Variants in ADGRF5 observed in about 807,000 individuals in gnomAD.
ADGRF5 encodes the protein adhesion G protein-coupled receptor F5, also known as G-protein coupled receptor 116.
ADGRF5 carries 75 observed loss-of-function variants against 132.3 expected under a neutral mutation model. That is an observed-to-expected ratio of 0.57 (90% confidence interval 0.47 to 0.69). The LOEUF is 0.69. ADGRF5 is among the 30% of genes least tolerant of loss of function. The pLI is 0.00. For missense variants in ADGRF5, 1,516 were observed against 1,630.6 expected, an observed-to-expected ratio of 0.93 and a Z score of 1.21; for synonymous variants, 629 against 597.6, an observed-to-expected ratio of 1.05 and a Z score of -0.77.
At position 46,878,192 on chromosome 6, in the gene ADGRF5, A is replaced by C. The variant is rs1461771700; in HGVS notation, c.1240+10T>G. 1 of 1,590,350 alleles carries C rather than the reference A, an allele frequency of 6.3e-7. No homozygotes were observed. Among genetic ancestry groups the C allele is most frequent in the Admixed American group, 1.7e-5 (1 of 59,964 alleles). ...ACCTATTTGCAAAAGGGCTTATCTAACATTCTCACCTGGAATATTTATTTT... is the reference window on the plus strand; with the variant it reads ...ACCTATTTGCAAAAGGGCTTATCTACCATTCTCACCTGGAATATTTATTTT... On this transcript the variant is annotated intron_variant, in intron 10 of 20. Coordinates refer to ENST00000283296, the MANE Select transcript of ADGRF5 (RefSeq NM_001098518.2).
intron 1 of ADGRF5, among the ~76,000 whole-genome samples, chr6:46,938,881 T>A (rs1777949322): frequency 7.5e-6 from 1 of 133,536 alleles, no homozygotes; most frequent in African/African-American, 2.6e-5. Context: ...TTCTGATTTT[T>A]TTTTTTTTTT....
chr6:46,898,031 A>G (rs1487454440), intron 3 of ADGRF5, among the ~76,000 whole-genome samples: 1 of 152,230 alleles, frequency 6.6e-6, no homozygotes, highest in Non-Finnish European at 1.5e-5. Context: ...TCCATGTATA[A>G]TAAATGGAAA....
chr6:46,943,724 T>G (rs1284470883), intron 1 of ADGRF5, among the ~76,000 whole-genome samples: 3 of 152,176 alleles, frequency 2.0e-5, no homozygotes, highest in Admixed American at 6.5e-5. Context: ...TCTAGCAAAT[T>G]GAAAAATTTG....
At position 46,853,987 on chromosome 6, in the gene ADGRF5, TGTTCTTA is replaced by T; in HGVS notation, c.4039_*4del. 6.3e-7 allele frequency: 1 copy of T among 1,594,562 alleles called. No individual in the cohort carries two copies. Among genetic ancestry groups the T allele is most frequent in the Non-Finnish European group, 8.6e-7 (1 of 1,168,864 alleles). Reference sequence around the variant, plus strand: ...GGAGGTCACGTAGGTTGGATTATCCTGTTCTTAGTTGAGCAACGAAGAAGCACTGGAT... The same window carrying T: ...GGAGGTCACGTAGGTTGGATTATCCTGTTGAGCAACGAAGAAGCACTGGAT... On this transcript the variant is annotated stop_lost and 3_prime_UTR_variant, in exon 21 of 21. Coordinates refer to ENST00000283296, the MANE Select transcript of ADGRF5 (RefSeq NM_001098518.2).
chr6:46,948,843 A>G (rs1226744362), intron 1 of ADGRF5, among the ~76,000 whole-genome samples: 1 of 152,152 alleles, frequency 6.6e-6, no homozygotes, highest in African/African-American at 2.4e-5. Context: ...CGAGGTGATG[A>G]CAGGTTCCAG....
chr6:46,921,209 G>C (rs1334883088), intron 1 of ADGRF5, among the ~76,000 whole-genome samples: 1 of 152,136 alleles, frequency 6.6e-6, no homozygotes, highest in Admixed American at 6.5e-5. Context: ...ACATTTCTAA[G>C]GTCATCCCTT....
At chr6:46,932,805 G>A (rs932141342) in intron 1 of ADGRF5, among the ~76,000 whole-genome samples, 2 of 152,072 alleles carry the variant, frequency 1.3e-5, no homozygotes, top group Non-Finnish European at 2.9e-5. Context: ...CCTAATAATC[G>A]TGTCCCTATA....
chr6:46,878,232 A>G lies in ADGRF5; in HGVS notation c.1210T>C (p.Trp404Arg). Residue 404 changes from tryptophan to arginine, a missense_variant, in exon 10 of 21, where the codon TGG becomes CGG. Physicochemically the swap from Trp to Arg is moderately radical, Grantham distance 101. Around this residue, in one of 2 missense-constraint regions of ADGRF5, gnomAD observed 945 missense variants for 929.4 expected, o/e 1.02. Transcript: ENST00000283296. Reference sequence around the variant, plus strand: ...ATATTTATTTTTCCTTCCTGCTTCCATTCTACTTTGCTCCAATTAACATTA... The same window carrying G: ...ATATTTATTTTTCCTTCCTGCTTCCGTTCTACTTTGCTCCAATTAACATTA... ...QGNVNWSKVEWKQEGKINIPG... is the reference protein window; with the variant it reads ...QGNVNWSKVERKQEGKINIPG... 1 of 1,613,060 alleles carries G rather than the reference A, an allele frequency of 6.2e-7. No individual in the cohort carries two copies. Among genetic ancestry groups the G allele is most frequent in the Non-Finnish European group, 8.5e-7 (1 of 1,179,104 alleles).
At chr6:46,860,049 C>A (rs554528278) in intron 16 of ADGRF5, among the ~76,000 whole-genome samples, 1 of 152,038 alleles carries the variant, frequency 6.6e-6, no homozygotes. Flanking sequence ...CTGCTCTCCC[C>A]GCTGCAGTCC....
intron 3 of ADGRF5, 25 bp downstream of exon 3, chr6:46,900,004 G>T (rs1562213234): frequency 1.3e-6 from 2 of 1,547,092 alleles, no homozygotes; most frequent in Non-Finnish European, 1.8e-6. Context: ...TTATAAAAGG[G>T]ATTGCCAAGC....
At chr6:46,912,888 A>T (rs1776082349) in intron 1 of ADGRF5, among the ~76,000 whole-genome samples, 2 of 152,166 alleles carry the variant, frequency 1.3e-5, no homozygotes, top group African/African-American at 4.8e-5. Context: ...CAACCTTGGC[A>T]TTATCAGTAC....
Position 46,865,016 on chromosome 6 carries a change from C to T in ADGRF5, c.1990+26G>A, listed in dbSNP as rs1770252350. 7.2e-6 allele frequency: 11 copies of T among 1,525,382 alleles called. No individual in the cohort carries two copies. The East Asian group carries it at 2.5e-4, about 34-fold the overall frequency. 94.5% of individuals were successfully genotyped at this position (1,525,382 alleles called of 1,614,324 possible). ...TAAGTCCCTGCCCTGACTATAACAT[C>T]TTAAAGTAATTTAAAACGTTCTTAC... is the stretch of plus-strand genomic sequence containing the variant. On this transcript the variant is annotated intron_variant, in intron 14 of 20. Transcript: ENST00000283296.
chr6:46,941,580 A>ACAAGCTGT (rs1179054269), intron 1 of ADGRF5, among the ~76,000 whole-genome samples: 1 of 152,128 alleles, frequency 6.6e-6, no homozygotes, highest in Non-Finnish European at 1.5e-5. Flanking sequence ...CAGTGTTTTA[A>ACAAGCTGT]CAAGCTGTCA....
Position 46,858,983 on chromosome 6 carries a change from A to C in ADGRF5, c.2920T>G (p.Tyr974Asp). ...NTGGWDSSGC[Y>D]VEEGDGDNVT... is the part of the protein sequence containing the mutation. ...TTGTCCCCATCACCTTCTTCTACAT[A>C]GCACCCACTGCTGTCCCACCCCCCT... The change falls in exon 17 of 21, where the codon TAT becomes GAT. Residue 974 changes from tyrosine to aspartate, a missense_variant. Physicochemically the swap from Tyr to Asp is radical, Grantham distance 160. Transcript: ENST00000283296. 6.2e-7 allele frequency: 1 copy of C among 1,614,120 alleles called. No individual in the cohort carries two copies. Among genetic ancestry groups the C allele is most frequent in the Non-Finnish European group, 8.5e-7 (1 of 1,180,018 alleles).
chr6:46,927,297 G>A (rs551698688), intron 1 of ADGRF5, among the ~76,000 whole-genome samples: 44 of 151,552 alleles, frequency 2.9e-4, no homozygotes, highest in South Asian at 2.1e-3. Context: ...AGCAAAGGGC[G>A]GCGGGGGTGG....
intron 1 of ADGRF5, among the ~76,000 whole-genome samples, chr6:46,929,027 A>G (rs1250370299): frequency 6.6e-6 from 1 of 152,216 alleles, no homozygotes; most frequent in Non-Finnish European, 1.5e-5. Context: ...ATGCTGCTAT[A>G]AAGACACATG....
In ADGRF5 at chr6:46,856,147, C is replaced by T. The variant is rs1769022953; in HGVS notation, c.3877-89G>A. The T allele has an allele frequency of 4.1e-6, 3 of 728,200 alleles. No homozygotes were observed. The East Asian group carries it at 8.0e-5, about 19-fold the overall frequency. 45.1% of individuals were successfully genotyped at this position (728,200 alleles called of 1,614,324 possible). A position where few individuals can be genotyped will look rare whatever the true frequency, so the allele number is the denominator to read the frequency against. On this transcript the variant is annotated intron_variant, in intron 19 of 20. Transcript: ENST00000283296. Reference sequence around the variant, plus strand: ...TCTAGAAGGATTGATTTTCCACCCTCTAGTGGTCACTGCCGGAATCTCTAG... The same window carrying T: ...TCTAGAAGGATTGATTTTCCACCCTTTAGTGGTCACTGCCGGAATCTCTAG...
chr6:46,874,257 T>G (rs1339867542), intron 10 of ADGRF5, among the ~76,000 whole-genome samples: 1 of 152,192 alleles, frequency 6.6e-6, no homozygotes, highest in Non-Finnish European at 1.5e-5. Context: ...TCTGAAAAAT[T>G]AGATCATCTC....
intron 1 of ADGRF5, among the ~76,000 whole-genome samples, chr6:46,916,946 G>C (rs1262461604): frequency 6.6e-6 from 1 of 152,126 alleles, no homozygotes; most frequent in Non-Finnish European, 1.5e-5. Flanking sequence ...TTCTTCTCGC[G>C]CTATTCTTGG....
Sources: allele counts gnomAD v4.1 joint callset (sites outside exome capture counted in the v4.1 genomes callset), GRCh38; gene constraint gnomAD v4.1.1; regional missense constraint gnomAD v4.1.1; transcripts MANE v1.5; gene names NCBI Gene and HGNC (gene_info 2026-07-23, HGNC 2026-07-21).